Variants in FBXO24 observed in about 807,000 individuals in gnomAD.
FBXO24 encodes the protein F-box protein 24.
Under a neutral mutation model 63.5 loss-of-function variants are expected in FBXO24, and 30 were observed. That is an observed-to-expected ratio of 0.47 (90% confidence interval 0.35 to 0.64). The LOEUF is 0.64. Among genes scored for constraint, FBXO24 ranks in the 30% least tolerant of loss-of-function variants. The pLI is 0.00. For missense variants in FBXO24, 624 were observed against 763.4 expected, an observed-to-expected ratio of 0.82 and a Z score of 2.15; for synonymous variants, 300 against 305.0, an observed-to-expected ratio of 0.98 and a Z score of 0.17.
At chr7:100,593,104 G>C (rs1417307031) in intron 5 of FBXO24, 87 bp downstream of exon 5, 3 of 1,110,746 alleles carry the variant, frequency 2.7e-6, no homozygotes, top group Non-Finnish European at 4.0e-6. Context: ...AGGCCCCTCA[G>C]ACTGGGTTCC....
intron 8 of FBXO24, among the ~76,000 whole-genome samples, chr7:100,598,196 T>A (rs1053197190): frequency 6.6e-6 from 1 of 152,248 alleles, no homozygotes; most frequent in Non-Finnish European, 1.5e-5. Context: ...TGAGACCCTA[T>A]CTCTAAAAAA....
At chr7:100,592,145 G>C in intron 4 of FBXO24, 2 of 427,374 alleles carry the variant, frequency 4.7e-6, no homozygotes, top group Non-Finnish European at 8.7e-6. Flanking sequence ...TATAATTCCA[G>C]CTACTTGGGA....
chr7:100,595,850 T>C, intron 8 of FBXO24, 144 bp downstream of exon 8: 1 of 1,136,798 alleles, frequency 8.8e-7, no homozygotes, highest in Non-Finnish European at 1.2e-6. Flanking sequence ...ATGCCAGTGG[T>C]ACTACCCCAT....
chr7:100,600,984 G>A lies in FBXO24; in HGVS notation c.*85G>A, dbSNP rs561320716. Reference sequence around the variant, plus strand: ...GGAGCAATGACCATTGTGCACATGCGTGTGGGAAGGGGTTGCTAGGGGGTG... The same window carrying A: ...GGAGCAATGACCATTGTGCACATGCATGTGGGAAGGGGTTGCTAGGGGGTG... On this transcript the variant is annotated 3_prime_UTR_variant, in exon 10 of 10. Transcript: ENST00000241071. The surrounding 1 kb of genome is among the most constrained non-coding windows in gnomAD (Gnocchi z 6.3). 1.8e-5 allele frequency: 27 copies of A among 1,517,386 alleles called. No individual in the cohort carries two copies. The highest frequency in any genetic ancestry group is 5.5e-5 in the African/African-American group (4 of 72,450). The allele number at this position is 1,517,386 out of a possible 1,614,324, so 94.0% of individuals were successfully genotyped here. A position where few individuals can be genotyped will look rare whatever the true frequency, so the allele number is the denominator to read the frequency against.
chr7:100,596,411 C>T (rs372654706), intron 8 of FBXO24, among the ~76,000 whole-genome samples: 6 of 152,024 alleles, frequency 3.9e-5, no homozygotes, highest in South Asian at 2.1e-4. Context: ...AGTGACAAGA[C>T]GGGTCTCACT....
At chr7:100,592,347 A>C in intron 4 of FBXO24, 1 of 244,898 alleles carries the variant, frequency 4.1e-6, no homozygotes, top group Non-Finnish European at 8.1e-6. Flanking sequence ...GGGAGGCCTC[A>C]GGAAACTTAC....
rs752566754 is a variant in FBXO24, at chr7:100,600,253, C to A, written c.1377+52C>A. 1 of 1,466,054 alleles carries A rather than the reference C, an allele frequency of 6.8e-7. No homozygotes were observed. Among genetic ancestry groups the A allele is most frequent in the Non-Finnish European group, 9.1e-7 (1 of 1,104,538 alleles). The allele number at this position is 1,466,054 out of a possible 1,614,324, so 90.8% of individuals were successfully genotyped here. A position where few individuals can be genotyped will look rare whatever the true frequency, so the allele number is the denominator to read the frequency against. On this transcript the variant is annotated intron_variant, in intron 9 of 9. Coordinates refer to ENST00000241071, the MANE Select transcript of FBXO24 (RefSeq NM_033506.3). The surrounding 1 kb of genome is among the most constrained non-coding windows in gnomAD (Gnocchi z 6.3). ...ACCCAGGGAGGATGAGAGCCATGAA[C>A]CAGGAAGCCCACAGGCTGTAGCTGG...
At position 100,594,672 on chromosome 7, in the gene FBXO24, C is replaced by A; in HGVS notation, c.952+131C>A. On this transcript the variant is annotated intron_variant, in intron 6 of 9. Transcript: ENST00000241071. This position sits in a 1 kb window ranked among gnomAD's most constrained non-coding sequence, Gnocchi z 4.2. ...TCCTAGTGAAAAGATGTGTTTAGGG[C>A]CGGCATGGTGACTCATGCCTGTAAT... 9.2e-7 allele frequency: 1 copy of A among 1,086,664 alleles called. No individual in the cohort carries two copies. Among genetic ancestry groups the A allele is most frequent in the Non-Finnish European group, 1.2e-6 (1 of 801,578 alleles). 67.3% of individuals were successfully genotyped at this position (1,086,664 alleles called of 1,614,324 possible). A position where few individuals can be genotyped will look rare whatever the true frequency, so the allele number is the denominator to read the frequency against.
rs1226472595 is a variant in FBXO24 at position 100,600,350 on chromosome 7, G to A, written c.1377+149G>A. 10 of 1,369,748 alleles carry A rather than the reference G, an allele frequency of 7.3e-6. No homozygotes were observed. Among genetic ancestry groups the A allele is most frequent in the Middle Eastern group, 2.1e-4 (1 of 4,672 alleles). 84.8% of individuals were successfully genotyped at this position (1,369,748 alleles called of 1,614,324 possible). On this transcript the variant is annotated intron_variant, in intron 9 of 9. Coordinates refer to ENST00000241071, the MANE Select transcript of FBXO24 (RefSeq NM_033506.3). The surrounding 1 kb of genome is among the most constrained non-coding windows in gnomAD (Gnocchi z 6.3). ...ACCTCCCTCCTCTGCCGCACACCAC[G>A]CTCTCTGCTTTCTCCCTTAGCAGAC...
chr7:100,597,036 T>C (rs1448049675), intron 8 of FBXO24, among the ~76,000 whole-genome samples: 1 of 152,176 alleles, frequency 6.6e-6, no homozygotes, highest in Non-Finnish European at 1.5e-5. Context: ...AGAGAGACTC[T>C]GTCTCAAAAC....
Position 100,595,467 on chromosome 7 carries a change from T to C in FBXO24, c.1075-108T>C. On this transcript the variant is annotated intron_variant, in intron 7 of 9. Transcript: ENST00000241071. The stretch of plus-strand genomic sequence containing the variant: ...AGATCCCATCTCTAAAATATATATA[T>C]AGAAAGAGATCAGCTGGGGATGGCA... 3.0e-6 allele frequency: 4 copies of C among 1,347,108 alleles called. No homozygotes were observed. The South Asian group carries it at 4.4e-5, about 15-fold the overall frequency. 83.4% of individuals were successfully genotyped at this position (1,347,108 alleles called of 1,614,324 possible). A position where few individuals can be genotyped will look rare whatever the true frequency, so the allele number is the denominator to read the frequency against.
At position 100,600,318 on chromosome 7, in the gene FBXO24, C is replaced by A. The variant is rs1802530076; in HGVS notation, c.1377+117C>A. On this transcript the variant is annotated intron_variant, in intron 9 of 9. Coordinates refer to ENST00000241071, the MANE Select transcript of FBXO24 (RefSeq NM_033506.3). This position sits in a 1 kb window ranked among gnomAD's most constrained non-coding sequence, Gnocchi z 6.3. ...CCCAGGGGGTCCCATTTCCCTAGCA[C>A]CACCCCACCTCCCTCCTCTGCCGCA... 6 of 1,364,710 alleles carry A rather than the reference C, an allele frequency of 4.4e-6. No individual in the cohort carries two copies. The highest frequency in any genetic ancestry group is 5.9e-6 in the Non-Finnish European group (6 of 1,021,004). The allele number at this position is 1,364,710 out of a possible 1,614,324, so 84.5% of individuals were successfully genotyped here. A position where few individuals can be genotyped will look rare whatever the true frequency, so the allele number is the denominator to read the frequency against.
intron 1 of FBXO24, among the ~76,000 whole-genome samples, chr7:100,587,238 TG>T (rs1320717090): frequency 1.3e-5 from 2 of 152,152 alleles, no homozygotes; most frequent in Non-Finnish European, 2.9e-5. Flanking sequence ...GTTTTCACAG[TG>T]GATGTTTTCA....
At position 100,600,790 on chromosome 7, in the gene FBXO24, G is replaced by C; in HGVS notation, c.1634G>C (p.Trp545Ser). ...RTEKMKEIVG[W>S]MPLMAAQKDF... ...GAGAAGATGAAGGAGATCGTAGGGT[G>C]GATGCCCCTGATGGCCGCACAGAAG... is the stretch of plus-strand genomic sequence containing the variant. The change falls in exon 10 of 10, where the codon TGG becomes TCG. Residue 545 changes from tryptophan to serine, a missense_variant. Transcript: ENST00000241071. This position sits in a 1 kb window ranked among gnomAD's most constrained non-coding sequence, Gnocchi z 6.3. 1 of 1,614,138 alleles carries C rather than the reference G, an allele frequency of 6.2e-7. No homozygotes were observed. The highest frequency in any genetic ancestry group is 8.5e-7 in the Non-Finnish European group (1 of 1,179,966).
chr7:100,590,490 C>G, intron 3 of FBXO24, 133 bp downstream of exon 3: 1 of 892,192 alleles, frequency 1.1e-6, no homozygotes, highest in Non-Finnish European at 1.7e-6. Flanking sequence ...AGAAACGGGT[C>G]CAGTTCAAAC....
At position 100,593,086 on chromosome 7, in the gene FBXO24, G is replaced by C. The variant is rs562576426; in HGVS notation, c.793+69G>C. The stretch of plus-strand genomic sequence containing the variant: ...TTCCTCAGACCCTGCTGCAGAGGAG[G>C]GGGAGGGAGGCCCCTCAGACTGGGT... On this transcript the variant is annotated intron_variant, in intron 5 of 9. Transcript: ENST00000241071. 6.6e-6 allele frequency: 9 copies of C among 1,359,646 alleles called. No individual in the cohort carries two copies. In the East Asian group the frequency reaches 9.6e-5, roughly 14 times the overall value. The allele number at this position is 1,359,646 out of a possible 1,614,324, so 84.2% of individuals were successfully genotyped here.
chr7:100,600,760 G>C lies in FBXO24; in HGVS notation c.1604G>C (p.Arg535Pro), dbSNP rs778209255. The change falls in exon 10 of 10, where the codon CGC becomes CCC. Residue 535 changes from arginine (R) to proline (P), a missense_variant. Physicochemically the swap from Arg to Pro is moderately radical, Grantham distance 103. This residue lies in a region of FBXO24 where 216 missense variants were observed against 245.2 expected (regional missense o/e 0.88). Coordinates refer to ENST00000241071, the MANE Select transcript of FBXO24 (RefSeq NM_033506.3). This position sits in a 1 kb window ranked among gnomAD's most constrained non-coding sequence, Gnocchi z 6.3. ...QIHSCQTLQD[R>P]TEKMKEIVGW... ...CACAGTTGCCAAACGTTGCAGGACCGCACGGAGAAGATGAAGGAGATCGTA... is the reference window on the plus strand; with the variant it reads ...CACAGTTGCCAAACGTTGCAGGACCCCACGGAGAAGATGAAGGAGATCGTA... 6.2e-7 allele frequency: 1 copy of C among 1,614,168 alleles called. No individual in the cohort carries two copies. The highest frequency in any genetic ancestry group is 8.5e-7 in the Non-Finnish European group (1 of 1,180,024).
chr7:100,588,835 T>C (rs1801869059), intron 1 of FBXO24, among the ~76,000 whole-genome samples: 1 of 152,184 alleles, frequency 6.6e-6, no homozygotes. Flanking sequence ...TCTTTTTTGT[T>C]TGTTTTTTTT....
chr7:100,600,893 G>T lies in FBXO24; in HGVS notation c.1737G>T (p.Glu579Asp). ...GTGGTGTAGGGCCCCCAGCCCCTGA[G>T]ACCTAATCCCCCTCATGCTAGCCTA... The part of the protein sequence containing the change: ...GGGGVGPPAP[E>D]T The change falls in exon 10 of 10, where the codon GAG becomes GAT. Residue 579 changes from glutamate to aspartate, a missense_variant. Coordinates refer to ENST00000241071, the MANE Select transcript of FBXO24 (RefSeq NM_033506.3). The surrounding 1 kb of genome is among the most constrained non-coding windows in gnomAD (Gnocchi z 6.3). 6.2e-7 allele frequency: 1 copy of T among 1,612,278 alleles called. No individual in the cohort carries two copies. Among genetic ancestry groups the T allele is most frequent in the Non-Finnish European group, 8.5e-7 (1 of 1,179,216 alleles).
Sources: gnomAD v4.1 joint callset for allele counts (sites outside exome capture counted in the v4.1 genomes callset) on GRCh38, gnomAD v4.1.1 for gene constraint, gnomAD v4.1.1 regional missense constraint, Gnocchi (gnomAD v3.1) non-coding constraint, MANE v1.5 for transcripts, NCBI Gene and HGNC (gene_info 2026-07-23, HGNC 2026-07-21) for gene names.